DIRAS2: variants seen among roughly 807,000 people sequenced by gnomAD.
DIRAS2 encodes the protein DIRAS family GTPase 2.
In DIRAS2, 5 loss-of-function variants were observed where a neutral mutation model predicts 13.9. The ratio of observed to expected loss-of-function variants is 0.36; its 90% CI spans 0.19 to 0.76. The LOEUF is 0.76. Among genes scored for constraint, DIRAS2 ranks in the 30% least tolerant of loss-of-function variants. The pLI, the probability that DIRAS2 is intolerant of heterozygous loss-of-function variation, is 0.53. For synonymous variants in DIRAS2, 111 were observed against 105.4 expected (o/e 1.05, Z -0.33); for missense variants, 191 against 263.0 (o/e 0.73, Z 1.89).
chr9:90,616,477 G>T (rs1368834351), intron 1 of DIRAS2, among the ~76,000 whole-genome samples: 2 of 152,174 alleles, frequency 1.3e-5, no homozygotes, highest in East Asian at 3.9e-4. Flanking sequence ...TGAAATTTGA[G>T]ATATCAGGAA....
chr9:90,640,555 T>C (rs1394002540), intron 1 of DIRAS2, among the ~76,000 whole-genome samples: 4 of 152,212 alleles, frequency 2.6e-5, no homozygotes, highest in Non-Finnish European at 2.9e-5. Context: ...GAGCAGCTGT[T>C]TTCCTGGAAA....
intron 1 of DIRAS2, among the ~76,000 whole-genome samples, chr9:90,617,546 T>C (rs1302003556): frequency 6.6e-6 from 1 of 152,214 alleles, no homozygotes; most frequent in Non-Finnish European, 1.5e-5. Flanking sequence ...AATGCCAAGT[T>C]GTTTATGAGA....
At position 90,613,235 on chromosome 9, in the gene DIRAS2, A is replaced by G. The variant is rs1587718025; in HGVS notation, c.593T>C (p.Ile198Thr). ...RKEKLKGKCV[I>T]M ...CTCCCGCAGGAAGGGCCTTCACATG[A>G]TCACGCACTTGCCTTTGAGCTTCTC... The change falls in exon 2 of 2, where the codon ATC (isoleucine) becomes ACC (threonine). Residue 198 changes from isoleucine to threonine, a missense_variant. Transcript: ENST00000375765. This position sits in a 1 kb window ranked among gnomAD's most constrained non-coding sequence, Gnocchi z 5.6. The G allele has an allele frequency of 6.2e-7, 1 of 1,612,230 alleles. No individual in the cohort carries two copies. The highest frequency in any genetic ancestry group is 1.3e-5 in the African/African-American group (1 of 74,936).
intron 1 of DIRAS2, among the ~76,000 whole-genome samples, chr9:90,618,857 G>T (rs1466759487): frequency 6.6e-6 from 1 of 152,090 alleles, no homozygotes; most frequent in Non-Finnish European, 1.5e-5. Context: ...TAGTCACCAG[G>T]GAAGTGCAAA....
At position 90,611,905 on chromosome 9, in the gene DIRAS2, G is replaced by A. The variant is rs1293346143; in HGVS notation, c.*1323C>T. 6.6e-6 allele frequency: 1 copy of A among 152,238 alleles called. No individual in the cohort carries two copies. The highest frequency in any genetic ancestry group is 1.5e-5 in the Non-Finnish European group (1 of 68,054). The allele number at this position is 152,238 out of a possible 1,614,324, so 9.4% of individuals were successfully genotyped here. ...TACGATGGCAGAGCAATTAAGCTGAGTGGGCTCTTCCCAGGGCAGAGAAGC... is the reference window on the plus strand; with the variant it reads ...TACGATGGCAGAGCAATTAAGCTGAATGGGCTCTTCCCAGGGCAGAGAAGC... On this transcript the variant is annotated 3_prime_UTR_variant, in exon 2 of 2. Coordinates refer to ENST00000375765, the MANE Select transcript of DIRAS2 (RefSeq NM_017594.5).
chr9:90,620,649 G>A (rs903527456), intron 1 of DIRAS2, among the ~76,000 whole-genome samples: 6 of 151,654 alleles, frequency 4.0e-5, no homozygotes, highest in South Asian at 4.2e-4. Flanking sequence ...CCAGTTATTC[G>A]GGTGACTGAG....
At chr9:90,642,512 C>T (rs546586945) in intron 1 of DIRAS2, among the ~76,000 whole-genome samples, 1 of 152,256 alleles carries the variant, frequency 6.6e-6, no homozygotes, top group South Asian at 2.1e-4. Context: ...CCTAATAATA[C>T]GTAAGATACA....
intron 1 of DIRAS2, among the ~76,000 whole-genome samples, chr9:90,629,016 G>A (rs574169962): frequency 3.9e-5 from 6 of 152,150 alleles, no homozygotes; most frequent in South Asian, 2.1e-4. Context: ...CACCACGCCC[G>A]GCTAATTTTT....
intron 1 of DIRAS2, among the ~76,000 whole-genome samples, chr9:90,629,429 C>A (rs183807619): frequency 2.8e-3 from 429 of 152,058 alleles, no homozygotes; most frequent in Middle Eastern, 0.01. Flanking sequence ...ACTGGAAAAA[C>A]ATTTTCCCGC....
At chr9:90,633,745 C>T (rs868218263) in intron 1 of DIRAS2, among the ~76,000 whole-genome samples, 2 of 152,152 alleles carry the variant, frequency 1.3e-5, no homozygotes, top group African/African-American at 4.8e-5. Context: ...TGAGAACTGG[C>T]GAGTGCCCAC....
chr9:90,615,738 G>T (rs907074460), intron 1 of DIRAS2, among the ~76,000 whole-genome samples: 3 of 152,192 alleles, frequency 2.0e-5, no homozygotes, highest in Non-Finnish European at 4.4e-5. Context: ...AAGCATGTCA[G>T]CTAGGGTCTC....
chr9:90,613,062 A>T lies in DIRAS2; in HGVS notation c.*166T>A. 1.1e-6 allele frequency: 1 copy of T among 945,620 alleles called. No individual in the cohort carries two copies. Among genetic ancestry groups the T allele is most frequent in the Non-Finnish European group, 1.5e-6 (1 of 648,582 alleles). The allele number at this position is 945,620 out of a possible 1,614,324, so 58.6% of individuals were successfully genotyped here. A position where few individuals can be genotyped will look rare whatever the true frequency, so the allele number is the denominator to read the frequency against. On this transcript the variant is annotated 3_prime_UTR_variant, in exon 2 of 2. Coordinates refer to ENST00000375765, the MANE Select transcript of DIRAS2 (RefSeq NM_017594.5). The surrounding 1 kb of genome is among the most constrained non-coding windows in gnomAD (Gnocchi z 5.6). ...TCTGTGACTCCAGAGTGGGTGGCTT[A>T]CTGTTGGTGGTGTGAAACGCCCTCT...
intron 1 of DIRAS2, among the ~76,000 whole-genome samples, chr9:90,632,259 C>T (rs1267326411): frequency 2.0e-5 from 3 of 152,174 alleles, no homozygotes; most frequent in Admixed American, 6.5e-5. Flanking sequence ...CCACACCTTA[C>T]CCTCATTCCC....
At position 90,612,873 on chromosome 9, in the gene DIRAS2, C is replaced by T. The variant is rs1234143721; in HGVS notation, c.*355G>A. On this transcript the variant is annotated 3_prime_UTR_variant, in exon 2 of 2. Coordinates refer to ENST00000375765, the MANE Select transcript of DIRAS2 (RefSeq NM_017594.5). ...GTAACTCTAGGTTAACACGCTCTCACATGCACGTAGATGACATTTAGTCCT... is the reference window on the plus strand; with the variant it reads ...GTAACTCTAGGTTAACACGCTCTCATATGCACGTAGATGACATTTAGTCCT... The T allele has an allele frequency of 3.7e-6, 1 of 273,674 alleles. No individual in the cohort carries two copies. The highest frequency in any genetic ancestry group is 7.1e-6 in the Non-Finnish European group (1 of 141,790). The allele number at this position is 273,674 out of a possible 1,614,324, so 17.0% of individuals were successfully genotyped here. A position where few individuals can be genotyped will look rare whatever the true frequency, so the allele number is the denominator to read the frequency against.
Position 90,610,182 on chromosome 9 carries a change from C to T in DIRAS2, c.*3046G>A. ...AATTTTGGGGAAAAAAATTAAGTAT[C>T]ACAGAGCAATTTTTAAAATATTTAA... On this transcript the variant is annotated 3_prime_UTR_variant, in exon 2 of 2. Transcript: ENST00000375765. 5.6e-6 allele frequency: 2 copies of T among 358,768 alleles called. No individual in the cohort carries two copies. Among genetic ancestry groups the T allele is most frequent in the Non-Finnish European group, 9.8e-6 (2 of 203,416 alleles). The allele number at this position is 358,768 out of a possible 1,614,324, so 22.2% of individuals were successfully genotyped here.
chr9:90,617,925 C>A (rs747002334), intron 1 of DIRAS2, among the ~76,000 whole-genome samples: 1 of 152,048 alleles, frequency 6.6e-6, no homozygotes. Flanking sequence ...ATTGAATACA[C>A]GAATAAATGG....
chr9:90,631,657 G>T (rs139587600), intron 1 of DIRAS2, among the ~76,000 whole-genome samples: 2 of 152,024 alleles, frequency 1.3e-5, no homozygotes, highest in African/African-American at 4.8e-5. Context: ...CTCTTCCTTC[G>T]CTGCTACTCT....
intron 1 of DIRAS2, among the ~76,000 whole-genome samples, chr9:90,622,712 A>G (rs1261473181): frequency 2.0e-5 from 3 of 152,222 alleles, no homozygotes; most frequent in Middle Eastern, 3.2e-3. Flanking sequence ...ATCCAAAGCC[A>G]GTATGATTAT....
At chr9:90,614,507 G>A (rs978633398) in intron 1 of DIRAS2, among the ~76,000 whole-genome samples, 10 of 152,252 alleles carry the variant, frequency 6.6e-5, no homozygotes, top group East Asian at 1.9e-4. Flanking sequence ...GGAAGAGATC[G>A]GGAATGGAAT....
Sources: gnomAD v4.1 joint callset for allele counts (sites outside exome capture counted in the v4.1 genomes callset) on GRCh38, gnomAD v4.1.1 for gene constraint, Gnocchi (gnomAD v3.1) non-coding constraint, MANE v1.5 for transcripts, NCBI Gene and HGNC (gene_info 2026-07-23, HGNC 2026-07-21) for gene names.